DDX31: variants seen among roughly 807,000 people sequenced by gnomAD.
DDX31 encodes DEAD-box helicase 31, also known as ATP-dependent DNA helicase DDX31.
Under a neutral mutation model 91.3 loss-of-function variants are expected in DDX31, and 70 were observed. The ratio of observed to expected loss-of-function variants is 0.77; its 90% CI spans 0.63 to 0.94. The LOEUF is 0.94. Among genes scored for constraint, DDX31 ranks in the 40% least tolerant of loss-of-function variants. The pLI is 0.00. For synonymous variants in DDX31, 362 were observed against 350.6 expected (o/e 1.03, Z -0.36); for missense variants, 902 against 925.0 (o/e 0.98, Z 0.32).
At chr9:132,660,133 T>A (rs1834841619) in intron 4 of DDX31, among the ~76,000 whole-genome samples, 1 of 151,864 alleles carries the variant, frequency 6.6e-6, no homozygotes, top group Non-Finnish European at 1.5e-5. Flanking sequence ...GTAAGGAGTT[T>A]GACCAGCCTG....
At chr9:132,621,688 A>G (rs1180571922) in intron 17 of DDX31, among the ~76,000 whole-genome samples, 1 of 152,248 alleles carries the variant, frequency 6.6e-6, no homozygotes, top group Non-Finnish European at 1.5e-5. Flanking sequence ...AATTGAGGAC[A>G]GCAATTAAGA....
chr9:132,609,419 AG>A (rs962858246), intron 19 of DDX31, among the ~76,000 whole-genome samples: 73 of 152,094 alleles, frequency 4.8e-4, no homozygotes, highest in African/African-American at 1.7e-3. Context: ...CGGCTTCTCA[AG>A]GTAAGGACAA....
chr9:132,601,352 G>A (rs530535197), intron 19 of DDX31, among the ~76,000 whole-genome samples: 38 of 152,342 alleles, frequency 2.5e-4, no homozygotes, highest in Middle Eastern at 3.4e-3. Flanking sequence ...AAATGGACAG[G>A]GATTCAGTTG....
At chr9:132,663,091 G>A in intron 1 of DDX31, 2 of 1,044,270 alleles carry the variant, frequency 1.9e-6, no homozygotes, top group Non-Finnish European at 2.6e-6. Context: ...TTCACCCAAG[G>A]AGAAAAGAGG....
At chr9:132,660,841 A>T (rs542461248) in intron 4 of DDX31, among the ~76,000 whole-genome samples, 130 of 152,302 alleles carry the variant, frequency 8.5e-4, no homozygotes, top group African/African-American at 3.0e-3. Flanking sequence ...ATCCAACTGA[A>T]CATTTACTCT....
At position 132,619,889 on chromosome 9, in the gene DDX31, T is replaced by C. The variant is rs115903053; in HGVS notation, c.1714-1448A>G. On this transcript the variant is annotated intron_variant, in intron 17 of 19. Transcript: ENST00000372159. ...CTGTCACCTTCCCTGTGTTTTTTTT[T>C]TTTTTTAATATGAATGTGAAATTAG... 1.8e-3 allele frequency among the ~76,000 whole-genome samples: 267 copies of C among 152,202 alleles called. 3 individuals are homozygous for C. The highest frequency in any genetic ancestry group is 6.3e-3 in the African/African-American group (261 of 41,520).
chr9:132,631,793 G>C (rs150406259), intron 15 of DDX31, among the ~76,000 whole-genome samples: 4 of 152,114 alleles, frequency 2.6e-5, no homozygotes, highest in Non-Finnish European at 4.4e-5. Context: ...ACACGAATTA[G>C]TCTAGAAGCA....
At chr9:132,653,747 C>T (rs1213773383) in intron 6 of DDX31, among the ~76,000 whole-genome samples, 2 of 151,758 alleles carry the variant, frequency 1.3e-5, no homozygotes, top group Non-Finnish European at 2.9e-5. Flanking sequence ...TAAATCACTC[C>T]ATAAACGTAA....
At chr9:132,659,597 C>T (rs1391407434) in intron 5 of DDX31, 113 bp downstream of exon 5, 1 of 1,008,648 alleles carries the variant, frequency 9.9e-7, no homozygotes, top group Non-Finnish European at 1.5e-6. Flanking sequence ...GCCTCCCTCC[C>T]CCAAACGAAA....
At chr9:132,630,517 T>C in intron 15 of DDX31, 114 bp from the exon 16 acceptor site, 3 of 1,099,152 alleles carry the variant, frequency 2.7e-6, no homozygotes, top group Non-Finnish European at 3.8e-6. Flanking sequence ...CCTGGTGCTA[T>C]GGTTACCCTA....
intron 1 of DDX31, among the ~76,000 whole-genome samples, chr9:132,668,956 T>C (rs1452847462): frequency 6.6e-6 from 1 of 152,178 alleles, no homozygotes; most frequent in Non-Finnish European, 1.5e-5. Context: ...GTGGGACAAC[T>C]CAAAGCGGGG....
intron 8 of DDX31, among the ~76,000 whole-genome samples, chr9:132,650,668 C>G (rs1834128539): frequency 6.6e-6 from 1 of 152,176 alleles, no homozygotes; most frequent in African/African-American, 2.4e-5. Flanking sequence ...CTCTCCACCC[C>G]TAATAAAAGA....
chr9:132,660,335 CAAAAA>C (rs773583376), intron 4 of DDX31, among the ~76,000 whole-genome samples: 1 of 55,318 alleles, frequency 1.8e-5, no homozygotes. Flanking sequence ...AACTCCGTCT[CAAAAA>C]AAAAAAAAAA....
chr9:132,621,722 C>T (rs1040751599), intron 17 of DDX31, among the ~76,000 whole-genome samples: 4 of 152,212 alleles, frequency 2.6e-5, no homozygotes, highest in African/African-American at 9.7e-5. Context: ...TTACGCATAA[C>T]AGATTTAAAA....
chr9:132,642,780 T>A (rs1309826683), intron 13 of DDX31, among the ~76,000 whole-genome samples: 1 of 151,976 alleles, frequency 6.6e-6, no homozygotes, highest in Non-Finnish European at 1.5e-5. Flanking sequence ...ACTAAATGGA[T>A]GCACCATTAT....
intron 14 of DDX31, among the ~76,000 whole-genome samples, chr9:132,638,945 A>T (rs306532): frequency 0.065 from 9,910 of 152,244 alleles, 410 homozygotes; most frequent in East Asian, 0.12. Context: ...GGCACAGTAT[A>T]AAGGGGGGAA....
At chr9:132,600,911 T>C (rs1371598817) in intron 19 of DDX31, among the ~76,000 whole-genome samples, 1 of 152,212 alleles carries the variant, frequency 6.6e-6, no homozygotes, top group Non-Finnish European at 1.5e-5. Context: ...CACAGGCACA[T>C]GGCCAGTATG....
At position 132,648,243 on chromosome 9, in the gene DDX31, T is replaced by G. The variant is rs1833956844; in HGVS notation, c.913A>C (p.Asn305His). ...TTCTGTCGTTTTTGGCATTCAGCAT[T>G]TACAGCATTAAGTATCACTGTGATG... ...KDITVILNAV[N>H]AECQKRQNVL... The change falls in exon 11 of 20, where the codon AAT becomes CAT. Residue 305 changes from asparagine to histidine, a missense_variant. Transcript: ENST00000372159. The G allele has an allele frequency of 1.2e-6, 2 of 1,613,994 alleles. No homozygotes were observed. Among genetic ancestry groups the G allele is most frequent in the African/African-American group, 2.7e-5 (2 of 74,924 alleles).
chr9:132,654,488 C>T (rs368925948), intron 6 of DDX31, among the ~76,000 whole-genome samples: 305 of 152,086 alleles, frequency 2.0e-3, no homozygotes, highest in African/African-American at 6.7e-3. Context: ...TGGTGCATGC[C>T]TGTAATCCCA....
Sources: allele counts gnomAD v4.1 joint callset (sites outside exome capture counted in the v4.1 genomes callset), GRCh38; gene constraint gnomAD v4.1.1; transcripts MANE v1.5; gene names NCBI Gene and HGNC (gene_info 2026-07-23, HGNC 2026-07-21).